PARD3B: variants seen among roughly 807,000 people sequenced by gnomAD.
PARD3B encodes the protein partitioning defective 3 homolog B.
A neutral mutation model predicts 130.2 loss-of-function variants in PARD3B; 103 were observed. The ratio of observed to expected loss-of-function variants is 0.79; its 90% CI spans 0.67 to 0.93. PARD3B has a LOEUF of 0.93. PARD3B is among the 40% of genes least tolerant of loss of function. The pLI, the probability that PARD3B is intolerant of heterozygous loss-of-function variation, is 0.00. For synonymous variants in PARD3B, 583 were observed against 553.2 expected, an observed-to-expected ratio of 1.05 and a Z score of -0.76; for missense variants, 1,609 against 1,499.2, an observed-to-expected ratio of 1.07 and a Z score of -1.21.
In PARD3B at chr2:204,623,768, TG is replaced by T. The variant is rs1423563731; in HGVS notation, c.121-62412del. 6.6e-6 allele frequency among the ~76,000 whole-genome samples: 1 copy of T among 152,202 alleles called. No individual in the cohort carries two copies. The highest frequency in any genetic ancestry group is 1.5e-5 in the Non-Finnish European group (1 of 68,042). Reference sequence around the variant, plus strand: ...GCAGGTCTCTAGAACTGAATTATGTTGCATAAATGAAGAATTTATACCCATT... The same window carrying T: ...GCAGGTCTCTAGAACTGAATTATGTTCATAAATGAAGAATTTATACCCATT... On this transcript the variant is annotated intron_variant, in intron 1 of 22. Coordinates refer to ENST00000406610, the MANE Select transcript of PARD3B (RefSeq NM_001302769.2). This position sits in a 1 kb window ranked among gnomAD's most constrained non-coding sequence, Gnocchi z 4.5.
chr2:204,607,391 T>C (rs1465049158), intron 1 of PARD3B, among the ~76,000 whole-genome samples: 1 of 152,104 alleles, frequency 6.6e-6, no homozygotes, highest in Non-Finnish European at 1.5e-5. Flanking sequence ...TGGGCTACTA[T>C]GGGAATAGCT....
At chr2:205,541,926 T>C (rs989022387) in intron 21 of PARD3B, among the ~76,000 whole-genome samples, 2 of 151,762 alleles carry the variant, frequency 1.3e-5, no homozygotes, top group Admixed American at 6.6e-5. Context: ...GGTGGATCAC[T>C]TGAGATCAGG....
At chr2:205,383,781 A>G (rs944049408) in intron 18 of PARD3B, among the ~76,000 whole-genome samples, 2 of 152,076 alleles carry the variant, frequency 1.3e-5, no homozygotes, top group African/African-American at 4.8e-5. Flanking sequence ...TCTTCCTGGT[A>G]TGTAATGAAT....
chr2:205,386,702 C>A (rs1398431765), intron 18 of PARD3B, among the ~76,000 whole-genome samples: 1 of 147,018 alleles, frequency 6.8e-6, no homozygotes, highest in African/African-American at 2.5e-5. Context: ...TCATAATTGA[C>A]AACATATGTA....
intron 3 of PARD3B, among the ~76,000 whole-genome samples, chr2:205,018,480 G>A (rs942413873): frequency 1.3e-5 from 2 of 152,128 alleles, no homozygotes; most frequent in Middle Eastern, 3.4e-3. Context: ...GCAAATAAGA[G>A]CATTGGACTT....
chr2:205,046,869 G>T (rs904328229), intron 3 of PARD3B, among the ~76,000 whole-genome samples: 1 of 152,150 alleles, frequency 6.6e-6, no homozygotes, highest in Non-Finnish European at 1.5e-5. Context: ...CGGTTAGGCC[G>T]CTGGCTCTGC....
chr2:205,468,179 A>G (rs2048697662), intron 20 of PARD3B, among the ~76,000 whole-genome samples: 1 of 152,236 alleles, frequency 6.6e-6, no homozygotes, highest in African/African-American at 2.4e-5. Context: ...GTCTTCAGAT[A>G]TGGAATATGT....
chr2:205,507,194 GTATTTTT>G (rs2050401161), intron 21 of PARD3B, among the ~76,000 whole-genome samples: 1 of 25,334 alleles, frequency 3.9e-5, no homozygotes, highest in African/African-American at 9.2e-5. Context: ...GACAGGTGCA[GTATTTTT>G]TTTTTTTTTT....
intron 19 of PARD3B, among the ~76,000 whole-genome samples, chr2:205,408,276 G>C (rs144820262): frequency 1.1e-4 from 17 of 152,286 alleles, no homozygotes; most frequent in Admixed American, 4.6e-4. Flanking sequence ...GCAGCTGCAA[G>C]TTCCCCACAT....
At chr2:205,174,032 G>A (rs1464439887) in intron 12 of PARD3B, among the ~76,000 whole-genome samples, 1 of 152,168 alleles carries the variant, frequency 6.6e-6, no homozygotes, top group East Asian at 1.9e-4. Context: ...ACATACCTGT[G>A]CAGATAGCAA....
intron 1 of PARD3B, among the ~76,000 whole-genome samples, chr2:204,584,024 G>T (rs1255807940): frequency 1.3e-5 from 2 of 152,228 alleles, no homozygotes; most frequent in Non-Finnish European, 2.9e-5. Flanking sequence ...ACTGAAGTTG[G>T]GGGCATGCAG....
chr2:205,003,068 T>A (rs891608456), intron 3 of PARD3B, among the ~76,000 whole-genome samples: 3 of 152,144 alleles, frequency 2.0e-5, no homozygotes, highest in African/African-American at 4.8e-5. Context: ...GAATCTGGCT[T>A]TTTCCAGTGT....
At chr2:205,102,645 A>G (rs1702862316) in intron 4 of PARD3B, among the ~76,000 whole-genome samples, 1 of 152,218 alleles carries the variant, frequency 6.6e-6, no homozygotes, top group African/African-American at 2.4e-5. Flanking sequence ...GAGTAGACCA[A>G]GTGTTTCACA....
intron 18 of PARD3B, among the ~76,000 whole-genome samples, chr2:205,331,265 C>CCACACACACACACACACACA (rs56170026): frequency 1.7e-4 from 25 of 148,724 alleles, no homozygotes; most frequent in African/African-American, 6.2e-4. Context: ...CACATATATT[C>CCACACACACACACACACACA]CACACACACA....
At chr2:205,465,446 T>C (rs2048587820) in intron 20 of PARD3B, among the ~76,000 whole-genome samples, 1 of 152,202 alleles carries the variant, frequency 6.6e-6, no homozygotes, top group Non-Finnish European at 1.5e-5. Context: ...ATGCTGACTA[T>C]TCATTTTTAA....
intron 1 of PARD3B, among the ~76,000 whole-genome samples, chr2:204,640,057 C>A (rs577030525): frequency 6.6e-6 from 1 of 152,138 alleles, no homozygotes; most frequent in East Asian, 1.9e-4. Context: ...AGTTCGAGAC[C>A]AGCCTGGGCA....
At chr2:204,904,359 G>A (rs2046971239) in intron 2 of PARD3B, among the ~76,000 whole-genome samples, 1 of 152,152 alleles carries the variant, frequency 6.6e-6, no homozygotes. Flanking sequence ...CCTTGTGCAT[G>A]TTTTTAAAAA....
At chr2:205,108,468 CCTT>C (rs1703385208) in intron 5 of PARD3B, among the ~76,000 whole-genome samples, 1 of 151,914 alleles carries the variant, frequency 6.6e-6, no homozygotes, top group African/African-American at 2.4e-5. Flanking sequence ...CCCTTTTCTC[CCTT>C]CTTCTTTCTC....
intron 1 of PARD3B, among the ~76,000 whole-genome samples, chr2:204,663,657 ACC>A (rs1296487166): frequency 6.6e-6 from 1 of 152,156 alleles, no homozygotes; most frequent in Non-Finnish European, 1.5e-5. Context: ...GAGGTGAGCT[ACC>A]TCTTTGAGCC....
Sources: allele counts gnomAD v4.1 joint callset (sites outside exome capture counted in the v4.1 genomes callset), GRCh38; gene constraint gnomAD v4.1.1; non-coding constraint Gnocchi (gnomAD v3.1); transcripts MANE v1.5; gene names NCBI Gene and HGNC (gene_info 2026-07-23, HGNC 2026-07-21).